The following RAF1 variants were observed in gnomAD, a reference collection of about 807,000 sequenced individuals.
RAF1 encodes Raf-1 proto-oncogene, serine/threonine kinase, also known as RAF proto-oncogene serine/threonine-protein kinase.
RAF1 carries 27 observed loss-of-function variants against 81.1 expected under a neutral mutation model. The ratio of observed to expected loss-of-function variants is 0.33; its 90% confidence interval spans 0.25 to 0.46. The LOEUF (loss-of-function observed/expected upper bound fraction) is 0.46, where lower values mean the gene tolerates loss of function less well. Among genes scored for constraint, RAF1 ranks in the 20% least tolerant of loss-of-function variants. RAF1 has a pLI of 1.00. For synonymous variants in RAF1, 298 were observed against 294.0 expected, an observed-to-expected ratio of 1.01 and a Z score of -0.14; for missense variants, 598 against 826.0, an observed-to-expected ratio of 0.72 and a Z score of 3.38.
intron 1 of RAF1, among the ~76,000 whole-genome samples, chr3:12,644,876 G>C (rs1404449409): frequency 6.6e-6 from 1 of 151,900 alleles, no homozygotes; most frequent in Non-Finnish European, 1.5e-5. Context: ...GAGATGGGTG[G>C]ATCACAAGGT....
Position 12,605,296 on chromosome 3 carries a change from T to TA in RAF1, c.680+904_680+905insT, listed in dbSNP as rs1336776553. On this transcript the variant is annotated intron_variant, in intron 6 of 17. Coordinates refer to ENST00000442415, the MANE Select transcript of RAF1 (RefSeq NM_001354689.3). ...TGTGTGTGTGTGTATACATAATATA[T>TA]TTTTTTTTGGAGACAGAGTCTTGCT... Among the ~76,000 whole-genome samples, 3 of 108,090 alleles carry TA rather than the reference T, an allele frequency of 2.8e-5. No homozygotes were observed. In the East Asian group the frequency reaches 6.3e-4, roughly 23 times the overall value. The allele number at this position is 108,090 out of a possible 152,430, so 70.9% of individuals were successfully genotyped here.
intron 5 of RAF1, among the ~76,000 whole-genome samples, chr3:12,607,949 C>CAG (rs1553614523): frequency 1.5e-5 from 1 of 66,860 alleles, no homozygotes; most frequent in Non-Finnish European, 2.6e-5. Context: ...GACTTGTCTC[C>CAG]AAAAAAAAAA....
intron 2 of RAF1, among the ~76,000 whole-genome samples, chr3:12,617,086 C>T (rs777308964): frequency 3.9e-5 from 6 of 152,050 alleles, no homozygotes; most frequent in Non-Finnish European, 5.9e-5. Flanking sequence ...GGACTACAGA[C>T]GTGTGCCACC....
intron 2 of RAF1, 69 bp from the exon 3 acceptor site, chr3:12,612,131 A>G (rs1202491529): frequency 1.7e-6 from 2 of 1,194,936 alleles, no homozygotes; most frequent in Non-Finnish European, 2.5e-6. Context: ...GGGCACAGAA[A>G]TAAATGCACC....
At chr3:12,643,098 G>A (rs1353721654) in intron 1 of RAF1, among the ~76,000 whole-genome samples, 2 of 152,022 alleles carry the variant, frequency 1.3e-5, no homozygotes, top group East Asian at 1.9e-4. Flanking sequence ...CACTGGTAAG[G>A]CAAGACACAA....
At chr3:12,585,933 G>A (rs1298955981) in intron 14 of RAF1, 134 bp from the exon 14 acceptor site, 1 of 737,368 alleles carries the variant, frequency 1.4e-6, no homozygotes, top group African/African-American at 1.7e-5. Context: ...AACTTCCTAA[G>A]GTTTCTGAAG....
At chr3:12,636,628 G>A (rs1395827104) in intron 1 of RAF1, among the ~76,000 whole-genome samples, 5 of 151,918 alleles carry the variant, frequency 3.3e-5, no homozygotes, top group Non-Finnish European at 5.9e-5. Context: ...GCAACATGGC[G>A]AAACCCCTTC....
At chr3:12,634,121 C>T (rs2059947546) in intron 1 of RAF1, among the ~76,000 whole-genome samples, 1 of 147,674 alleles carries the variant, frequency 6.8e-6, no homozygotes. Flanking sequence ...TTCATGATTA[C>T]AAAAATTTGA....
intron 6 of RAF1, 144 bp from the exon 7 acceptor site, chr3:12,604,433 G>A (rs1205890223): frequency 1.1e-6 from 1 of 909,016 alleles, no homozygotes; most frequent in East Asian, 2.6e-5. Flanking sequence ...TCTTTCAAAT[G>A]TGTGACATCT....
intron 1 of RAF1, among the ~76,000 whole-genome samples, chr3:12,654,432 T>C (rs1440754079): frequency 1.3e-5 from 2 of 151,942 alleles, no homozygotes; most frequent in East Asian, 2.0e-4. Context: ...CAAAACCCCA[T>C]CTCTACAAAA....
At chr3:12,636,984 T>C (rs1031515602) in intron 1 of RAF1, among the ~76,000 whole-genome samples, 6 of 152,110 alleles carry the variant, frequency 3.9e-5, no homozygotes, top group African/African-American at 1.4e-4. Context: ...TCCATGGATC[T>C]AGGGTAAAGA....
intron 1 of RAF1, among the ~76,000 whole-genome samples, chr3:12,650,634 A>C (rs2060493146): frequency 6.6e-6 from 1 of 152,200 alleles, no homozygotes. Context: ...CTAAGAATCT[A>C]CTTTCAACTG....
chr3:12,630,679 G>T (rs1447143142), intron 1 of RAF1, among the ~76,000 whole-genome samples: 1 of 152,190 alleles, frequency 6.6e-6, no homozygotes, highest in Non-Finnish European at 1.5e-5. Context: ...ATGTAGGGGA[G>T]CAGGGACAAT....
intron 1 of RAF1, among the ~76,000 whole-genome samples, chr3:12,652,910 C>T (rs2060575378): frequency 6.6e-6 from 1 of 150,898 alleles, no homozygotes; most frequent in Non-Finnish European, 1.5e-5. Context: ...CACTGCACTC[C>T]AGCCTGGGCA....
At chr3:12,606,528 T>C (rs1227840841) in intron 5 of RAF1, among the ~76,000 whole-genome samples, 1 of 152,096 alleles carries the variant, frequency 6.6e-6, no homozygotes, top group African/African-American at 2.4e-5. Context: ...ACATACAGGC[T>C]CCTGTGTGCT....
intron 1 of RAF1, among the ~76,000 whole-genome samples, chr3:12,638,465 TTCA>T (rs1230119795): frequency 6.6e-6 from 1 of 152,104 alleles, no homozygotes; most frequent in African/African-American, 2.4e-5. Flanking sequence ...CATCTAACAG[TTCA>T]TCAAACAAGT....
chr3:12,604,437 G>T, intron 6 of RAF1, 148 bp from the exon 7 acceptor site: 1 of 900,940 alleles, frequency 1.1e-6, no homozygotes, highest in Non-Finnish European at 1.8e-6. Flanking sequence ...TCAAATGTGT[G>T]ACATCTAAAA....
intron 1 of RAF1, among the ~76,000 whole-genome samples, chr3:12,633,661 C>T (rs1426992066): frequency 6.6e-6 from 1 of 150,750 alleles, no homozygotes; most frequent in Non-Finnish European, 1.5e-5. Context: ...ACAGGCCCAG[C>T]GCAGTGGCTC....
At chr3:12,599,623 C>G in intron 11 of RAF1, 68 bp downstream of exon 10, 1 of 1,186,678 alleles carries the variant, frequency 8.4e-7, no homozygotes, top group Admixed American at 1.7e-5. Flanking sequence ...CTCCTCCTGG[C>G]CCCCTGGGCT....
Sources: gnomAD v4.1 joint callset for allele counts (sites outside exome capture counted in the v4.1 genomes callset) on GRCh38, gnomAD v4.1.1 for gene constraint, MANE v1.5 for transcripts, NCBI Gene and HGNC (gene_info 2026-07-23, HGNC 2026-07-21) for gene names.